ALK: variants seen among roughly 807,000 people sequenced by gnomAD.
ALK encodes the protein ALK tyrosine kinase receptor.
Under a neutral mutation model 163.1 loss-of-function variants are expected in ALK, and 74 were observed. The ratio of observed to expected loss-of-function variants is 0.45; its 90% CI spans 0.38 to 0.55. The LOEUF (loss-of-function observed/expected upper bound fraction) is 0.55. Among genes scored for constraint, ALK ranks in the 20% least tolerant of loss-of-function variants. The pLI is 0.00. For synonymous variants in ALK, 960 were observed against 843.2 expected (o/e 1.14, Z -2.40); for missense variants, 2,063 against 2,105.3 (o/e 0.98, Z 0.39).
chr2:29,636,387 TAAAG>T (rs1676533342), intron 3 of ALK, among the ~76,000 whole-genome samples: 1 of 150,072 alleles, frequency 6.7e-6, no homozygotes, highest in Non-Finnish European at 1.5e-5. Context: ...AAAAGAAAGA[TAAAG>T]AAAAATGGAG....
At chr2:29,327,954 C>T (rs1257597661) in intron 6 of ALK, among the ~76,000 whole-genome samples, 4 of 152,142 alleles carry the variant, frequency 2.6e-5, no homozygotes, top group African/African-American at 9.7e-5. Context: ...TGGTTCCATA[C>T]AGCCGGAGCT....
intron 5 of ALK, among the ~76,000 whole-genome samples, chr2:29,339,207 C>T (rs1667716336): frequency 6.6e-6 from 1 of 151,320 alleles, no homozygotes; most frequent in Admixed American, 6.6e-5. Context: ...CACGCCACTG[C>T]ACTCCAGCCT....
chr2:29,659,786 T>C (rs1345012811), intron 3 of ALK, among the ~76,000 whole-genome samples: 1 of 152,116 alleles, frequency 6.6e-6, no homozygotes, highest in African/African-American at 2.4e-5. Flanking sequence ...GACCGGATAA[T>C]GTTTAAAGAA....
intron 3 of ALK, among the ~76,000 whole-genome samples, chr2:29,603,648 G>A (rs370174112): frequency 3.9e-5 from 6 of 152,084 alleles, no homozygotes; most frequent in East Asian, 1.9e-4. Context: ...GCATTCAGTC[G>A]GTTGGGTGGC....
In ALK at chr2:29,497,670, A is replaced by T. The variant is rs111926524; in HGVS notation, c.1154+34245T>A. ...GGCGCTGCATTCCTATCAAGAGGGC[A>T]AATCCCTTGAAGACAGAATCTTTTT... is the stretch of plus-strand genomic sequence containing the variant. On this transcript the variant is annotated intron_variant, in intron 4 of 28. Coordinates refer to ENST00000389048, the MANE Select transcript of ALK (RefSeq NM_004304.5). 2.2e-3 allele frequency among the ~76,000 whole-genome samples: 333 copies of T among 152,356 alleles called. 3 individuals are homozygous for T. Among genetic ancestry groups the T allele is most frequent in the South Asian group, 0.015 (72 of 4,828 alleles).
chr2:29,477,086 G>A (rs898648880), intron 4 of ALK, among the ~76,000 whole-genome samples: 2 of 152,178 alleles, frequency 1.3e-5, no homozygotes, highest in Non-Finnish European at 2.9e-5. Flanking sequence ...GGTGTGCAAA[G>A]GAAGAAGTGA....
chr2:29,307,288 C>T (rs778467608), intron 8 of ALK, among the ~76,000 whole-genome samples: 3 of 152,318 alleles, frequency 2.0e-5, no homozygotes, highest in South Asian at 2.1e-4. Flanking sequence ...AATGTTCTGA[C>T]GGGGCAGGTG....
intron 8 of ALK, among the ~76,000 whole-genome samples, chr2:29,299,432 A>C (rs904170756): frequency 6.6e-6 from 1 of 152,230 alleles, no homozygotes; most frequent in Admixed American, 6.5e-5. Flanking sequence ...TCTCCATTTC[A>C]GAATGGTCTA....
intron 3 of ALK, among the ~76,000 whole-genome samples, chr2:29,563,979 T>C (rs1481253564): frequency 1.3e-5 from 2 of 152,196 alleles, no homozygotes; most frequent in Non-Finnish European, 2.9e-5. Flanking sequence ...CGCCTCCTTT[T>C]TCCCCCTTCC....
At chr2:29,474,915 G>C (rs968196615) in intron 4 of ALK, among the ~76,000 whole-genome samples, 4 of 152,142 alleles carry the variant, frequency 2.6e-5, no homozygotes, top group Non-Finnish European at 4.4e-5. Context: ...TTGCTGGACG[G>C]GGCCTGGCTG....
intron 1 of ALK, among the ~76,000 whole-genome samples, chr2:29,821,447 A>G (rs1283933809): frequency 6.6e-6 from 1 of 152,172 alleles, no homozygotes; most frequent in African/African-American, 2.4e-5. Flanking sequence ...TCTCTTGCAC[A>G]GATCGAAGTG....
chr2:29,859,934 C>T (rs1428505297), intron 1 of ALK, among the ~76,000 whole-genome samples: 1 of 151,994 alleles, frequency 6.6e-6, no homozygotes, highest in Admixed American at 6.6e-5. Flanking sequence ...GTTAGTAGAG[C>T]CTTGGGGTTC....
intron 5 of ALK, among the ~76,000 whole-genome samples, chr2:29,379,543 A>T (rs925572372): frequency 7.2e-5 from 11 of 152,210 alleles, no homozygotes; most frequent in African/African-American, 2.4e-4. Context: ...CTAAATTTAG[A>T]TGTAGAGTAT....
chr2:29,419,087 C>A (rs1669953235), intron 4 of ALK, among the ~76,000 whole-genome samples: 1 of 151,292 alleles, frequency 6.6e-6, no homozygotes, highest in Non-Finnish European at 1.5e-5. Context: ...CAGTGTCTCA[C>A]TCTGTTGCCC....
chr2:29,831,040 GAGGAGA>G (rs1172312660), intron 1 of ALK, among the ~76,000 whole-genome samples: 1 of 63,524 alleles, frequency 1.6e-5, no homozygotes, highest in African/African-American at 5.8e-5. Flanking sequence ...GGAGGAGGAG[GAGGAGA>G]AGGAGAAGAG....
intron 4 of ALK, among the ~76,000 whole-genome samples, chr2:29,442,970 C>T (rs539769719): frequency 1.5e-4 from 23 of 152,316 alleles, no homozygotes; most frequent in African/African-American, 5.3e-4. Flanking sequence ...CACATGGTGG[C>T]TACAGTGTGA....
intron 4 of ALK, among the ~76,000 whole-genome samples, chr2:29,518,599 A>G (rs909256122): frequency 3.3e-5 from 5 of 152,224 alleles, no homozygotes; most frequent in Admixed American, 3.3e-4. Flanking sequence ...CTTAAGCCAC[A>G]TCAGCGGGTG....
chr2:29,683,980 G>A (rs532609755), intron 3 of ALK, among the ~76,000 whole-genome samples: 32 of 152,318 alleles, frequency 2.1e-4, no homozygotes, highest in African/African-American at 6.7e-4. Context: ...TTCAACTTAC[G>A]TTGAACCAGT....
intron 3 of ALK, among the ~76,000 whole-genome samples, chr2:29,533,473 A>G (rs1034874852): frequency 6.6e-5 from 10 of 152,138 alleles, no homozygotes; most frequent in African/African-American, 2.2e-4. Flanking sequence ...AGATTTCTGG[A>G]CTTCTAAGCA....
Sources: gnomAD v4.1 joint callset for allele counts (sites outside exome capture counted in the v4.1 genomes callset) on GRCh38, gnomAD v4.1.1 for gene constraint, MANE v1.5 for transcripts, NCBI Gene and HGNC (gene_info 2026-07-23, HGNC 2026-07-21) for gene names.